SGMS2: variants seen among roughly 807,000 people sequenced by gnomAD.
The protein encoded by SGMS2 is sphingomyelin synthase 2, also known as phosphatidylcholine:ceramide cholinephosphotransferase 2.
In SGMS2, 21 loss-of-function variants were observed where a neutral mutation model predicts 43.8. The observed-to-expected ratio is 0.48, with a 90% CI of 0.34 to 0.69. The LOEUF (loss-of-function observed/expected upper bound fraction) is 0.69. Ranked by LOEUF, SGMS2 falls within the 30% of genes least tolerant of loss-of-function variation. The pLI is 0.01. For missense variants in SGMS2, 384 were observed against 443.2 expected (o/e 0.87, Z 1.20); for synonymous variants, 167 against 160.6 (o/e 1.04, Z -0.30).
intron 2 of SGMS2, among the ~76,000 whole-genome samples, chr4:107,870,667 T>G (rs943364060): frequency 1.3e-5 from 2 of 152,206 alleles, no homozygotes; most frequent in African/African-American, 4.8e-5. Context: ...GTATAAGCTT[T>G]GGAAATGGGC....
chr4:107,850,925 CAT>C (rs1343554027), intron 1 of SGMS2, among the ~76,000 whole-genome samples: 1 of 152,206 alleles, frequency 6.6e-6, no homozygotes, highest in East Asian at 1.9e-4. Flanking sequence ...GTGTACCCCT[CAT>C]TTCACTTTCT....
chr4:107,831,355 C>A (rs1019641735), intron 1 of SGMS2, among the ~76,000 whole-genome samples: 1 of 152,148 alleles, frequency 6.6e-6, no homozygotes, highest in African/African-American at 2.4e-5. Flanking sequence ...CAGGCTTAGG[C>A]CGGCTTGGAC....
At chr4:107,891,307 T>C (rs1012863954) in intron 2 of SGMS2, among the ~76,000 whole-genome samples, 13 of 110,392 alleles carry the variant, frequency 1.2e-4, no homozygotes, top group African/African-American at 4.5e-4. Flanking sequence ...AGAGAAACAA[T>C]AAAAAAAAAC....
intron 2 of SGMS2, among the ~76,000 whole-genome samples, chr4:107,881,915 G>A (rs1322820553): frequency 1.3e-5 from 2 of 152,106 alleles, no homozygotes; most frequent in African/African-American, 2.4e-5. Flanking sequence ...ATGTTTTCCA[G>A]TTCCATCCAT....
intron 1 of SGMS2, among the ~76,000 whole-genome samples, chr4:107,856,247 G>A: frequency 6.6e-6 from 1 of 152,202 alleles, no homozygotes; most frequent in Non-Finnish European, 1.5e-5. Flanking sequence ...AATAAATCAT[G>A]AACTTATAAG....
At chr4:107,890,993 A>G (rs1120864) in intron 2 of SGMS2, among the ~76,000 whole-genome samples, 108,050 of 152,066 alleles carry the variant, frequency 0.71, 39,199 homozygotes, top group African/African-American at 0.85. Flanking sequence ...ATGCAGTGTG[A>G]GGTGACTGCC....
chr4:107,830,923 T>A (rs1025609641), intron 1 of SGMS2, among the ~76,000 whole-genome samples: 3 of 151,828 alleles, frequency 2.0e-5, no homozygotes, highest in Non-Finnish European at 2.9e-5. Flanking sequence ...GAAGATGGAG[T>A]TAGTGTTGAT....
intron 2 of SGMS2, among the ~76,000 whole-genome samples, chr4:107,883,982 T>C (rs1309210013): frequency 1.3e-5 from 2 of 152,242 alleles, no homozygotes; most frequent in African/African-American, 4.8e-5. Context: ...TATAGTACAC[T>C]TGTTAGATTC....
At chr4:107,859,603 ATACT>A (rs1237983765) in intron 2 of SGMS2, among the ~76,000 whole-genome samples, 1 of 152,182 alleles carries the variant, frequency 6.6e-6, no homozygotes, top group Admixed American at 6.5e-5. Flanking sequence ...TATTCAACAA[ATACT>A]TACTGAACGC....
Position 107,844,435 on chromosome 4 carries a change from C to T in SGMS2, c.-326-14037C>T, listed in dbSNP as rs150235526. On this transcript the variant is annotated intron_variant, in intron 1 of 6. Coordinates refer to ENST00000690982, the MANE Select transcript of SGMS2 (RefSeq NM_001375905.1). ...AAAAAGTGTCGGATGGACATGGTGG[C>T]TCACACCTGTAACCCCAGCACTTTG... 6.9e-4 allele frequency among the ~76,000 whole-genome samples: 105 copies of T among 151,888 alleles called. 1 individual carries two copies. The highest frequency in any genetic ancestry group is 2.2e-3 in the African/African-American group (91 of 41,426).
intron 2 of SGMS2, among the ~76,000 whole-genome samples, chr4:107,885,566 A>G (rs1006880555): frequency 2.0e-5 from 3 of 152,164 alleles, no homozygotes; most frequent in African/African-American, 7.2e-5. Flanking sequence ...TCTTTTTGTC[A>G]AATACAAGAA....
intron 1 of SGMS2, among the ~76,000 whole-genome samples, chr4:107,846,302 C>G (rs1470061946): frequency 7.6e-6 from 1 of 131,810 alleles, no homozygotes. Context: ...GTGATGTTCC[C>G]CTTCCTGTGT....
At chr4:107,902,538 G>T (rs1731214504) in intron 4 of SGMS2, among the ~76,000 whole-genome samples, 1 of 152,108 alleles carries the variant, frequency 6.6e-6, no homozygotes, top group Non-Finnish European at 1.5e-5. Flanking sequence ...GCCCAGCGTT[G>T]TTTCTCACTG....
In SGMS2 at chr4:107,895,659, A is replaced by G; in HGVS notation, c.106A>G (p.Lys36Glu). ...CGCTGAACCTGTTGAAGAAGAAAAC[A>G]AAAATGGCAATGGTAAACCCAAGAG... ...RPAEPVEEEN[K>E]NGNGKPKSLS... Residue 36 changes from lysine to glutamate, a missense_variant, in exon 3 of 7, where the codon AAA becomes GAA. By Grantham distance (56) the Lys-to-Glu change is moderately conservative (BLOSUM62 1). Transcript: ENST00000690982. 3 of 1,614,002 alleles carry G rather than the reference A, an allele frequency of 1.9e-6. No individual in the cohort carries two copies. The highest frequency in any genetic ancestry group is 2.5e-6 in the Non-Finnish European group (3 of 1,179,946).
intron 4 of SGMS2, among the ~76,000 whole-genome samples, chr4:107,900,126 A>G (rs1695450903): frequency 6.6e-6 from 1 of 152,100 alleles, no homozygotes; most frequent in South Asian, 2.1e-4. Flanking sequence ...GATTGTCACA[A>G]GCAGAACAGC....
In SGMS2 at chr4:107,895,746, C is replaced by A. The variant is rs200178098; in HGVS notation, c.193C>A (p.Pro65Thr). Residue 65 changes from proline (P) to threonine (T), a missense_variant, in exon 3 of 7, where the codon CCC (proline) becomes ACC (threonine). By Grantham distance (38) the Pro-to-Thr change is conservative. Coordinates refer to ENST00000690982, the MANE Select transcript of SGMS2 (RefSeq NM_001375905.1). ...KYPDYIQIAM[P>T]TESRNKFPLE... ...CCCGGACTATATCCAAATTGCTATG[C>A]CCACTGAATCAAGGAACAAATTTCC... The A allele has an allele frequency of 6.2e-7, 1 of 1,613,910 alleles. No homozygotes were observed. The highest frequency in any genetic ancestry group is 8.5e-7 in the Non-Finnish European group (1 of 1,179,954).
intron 2 of SGMS2, among the ~76,000 whole-genome samples, chr4:107,881,702 C>A (rs1047902051): frequency 6.6e-6 from 1 of 152,106 alleles, no homozygotes; most frequent in Admixed American, 6.6e-5. Context: ...AGAACTTACT[C>A]ATTCTATCTA....
At chr4:107,873,495 C>A (rs183359348) in intron 2 of SGMS2, 2 of 152,076 alleles carry the variant, frequency 1.3e-5, no homozygotes, top group Admixed American at 1.3e-4. Context: ...GAAAAACTGA[C>A]TTAATGTGCA....
intron 1 of SGMS2, among the ~76,000 whole-genome samples, chr4:107,851,877 G>A (rs1054418943): frequency 3.3e-5 from 5 of 151,992 alleles, no homozygotes; most frequent in African/African-American, 1.2e-4. Flanking sequence ...ATATTTAACT[G>A]GAGAGGCTGA....
Sources: gnomAD v4.1 joint callset for allele counts (sites outside exome capture counted in the v4.1 genomes callset) on GRCh38, gnomAD v4.1.1 for gene constraint, MANE v1.5 for transcripts, NCBI Gene and HGNC (gene_info 2026-07-23, HGNC 2026-07-21) for gene names.